Variants in DNM2 observed in about 807,000 individuals in gnomAD.
The protein encoded by DNM2 is dynamin 2, also known as dynamin-2.
A neutral mutation model predicts 99.0 loss-of-function variants in DNM2; 15 were observed. The observed-to-expected ratio is 0.15, with a 90% CI of 0.10 to 0.23. DNM2 has a LOEUF of 0.23. DNM2 is among the 10% of genes least tolerant of loss of function. The pLI is 1.00. For missense variants in DNM2, 742 were observed against 1,189.4 expected (o/e 0.62, Z 5.53); for synonymous variants, 525 against 481.2 (o/e 1.09, Z -1.19).
rs958456791 is a variant in DNM2, at chr19:10,830,423, G to C, written c.2543+45G>C. 6.3e-7 allele frequency: 1 copy of C among 1,594,528 alleles called. No homozygotes were observed. Among genetic ancestry groups the C allele is most frequent in the East Asian group, 2.2e-5 (1 of 44,724 alleles). ...CTCCACCCCAACTGCCTGCACCCTGGGGTCTCTCCTCCTGTCTCACTTCCT... is the reference window on the plus strand; with the variant it reads ...CTCCACCCCAACTGCCTGCACCCTGCGGTCTCTCCTCCTGTCTCACTTCCT... On this transcript the variant is annotated intron_variant, in intron 20 of 20. Transcript: ENST00000389253. The surrounding 1 kb of genome is among the most constrained non-coding windows in gnomAD (Gnocchi z 4.8).
At chr19:10,828,150 G>A (rs1353283704) in intron 18 of DNM2, among the ~76,000 whole-genome samples, 1 of 152,092 alleles carries the variant, frequency 6.6e-6, no homozygotes, top group South Asian at 2.1e-4. Flanking sequence ...TTAGCCGGGG[G>A]TTGGGGGGCA....
chr19:10,732,465 T>G (rs566079839), intron 1 of DNM2, among the ~76,000 whole-genome samples: 5 of 151,704 alleles, frequency 3.3e-5, no homozygotes, highest in African/African-American at 1.2e-4. Flanking sequence ...CTGGGCGTGG[T>G]GGCGAGCGCC....
intron 1 of DNM2, among the ~76,000 whole-genome samples, chr19:10,749,621 A>AG (rs879451755): frequency 1.5e-4 from 23 of 152,226 alleles, no homozygotes; most frequent in Non-Finnish European, 2.6e-4. Flanking sequence ...ACAGCCCAGG[A>AG]GGGGCGGAGC....
intron 1 of DNM2, among the ~76,000 whole-genome samples, chr19:10,727,027 C>T (rs974516842): frequency 6.6e-6 from 1 of 152,148 alleles, no homozygotes; most frequent in Non-Finnish European, 1.5e-5. Context: ...GCTGTGGGAT[C>T]CTGTCTTGTT....
At chr19:10,797,347 T>C in intron 9 of DNM2, 33 bp from the exon 10 acceptor site, 1 of 1,610,300 alleles carries the variant, frequency 6.2e-7, no homozygotes, top group East Asian at 2.2e-5. Flanking sequence ...CCTGGGTGTC[T>C]TTCTGCCTCA....
At chr19:10,802,413 C>G (rs898801892) in intron 12 of DNM2, 55 bp downstream of exon 12, 54 of 1,581,276 alleles carry the variant, frequency 3.4e-5, no homozygotes, top group Non-Finnish European at 4.4e-5. Flanking sequence ...ACTCTCAGAT[C>G]CAAGGAGGTG....
intron 11 of DNM2, among the ~76,000 whole-genome samples, chr19:10,799,699 AATTTTTGTATTTTTAGTAGAGAGAG>A (rs1171542610): frequency 2.0e-5 from 3 of 151,644 alleles, no homozygotes; most frequent in African/African-American, 7.3e-5. Flanking sequence ...TTACCCACCT[AATTTTTGTATTTTTAGTAGAGAGAG>A]ATTTTCACTA....
intron 1 of DNM2, chr19:10,755,631 T>A (rs1239050717): frequency 6.6e-6 from 1 of 151,238 alleles, no homozygotes; most frequent in Non-Finnish European, 1.5e-5. Flanking sequence ...CGGCCAGGGT[T>A]TTTTTTTGTC....
rs1227521429 is a variant in DNM2, at chr19:10,820,128, G to C, written c.1781+39G>C. 1 of 1,593,280 alleles carries C rather than the reference G, an allele frequency of 6.3e-7. No individual in the cohort carries two copies. Among genetic ancestry groups the C allele is most frequent in the Admixed American group, 1.7e-5 (1 of 59,956 alleles). ...GGGCCTGGGGATGGCTCGGGGTGAA[G>C]ACCAATGGCCTCATTCACACTCCAC... On this transcript the variant is annotated intron_variant, in intron 16 of 20. Coordinates refer to ENST00000389253, the MANE Select transcript of DNM2 (RefSeq NM_001005361.3). This position sits in a 1 kb window ranked among gnomAD's most constrained non-coding sequence, Gnocchi z 4.3.
intron 5 of DNM2, among the ~76,000 whole-genome samples, chr19:10,779,229 A>AG (rs1644650176): frequency 6.6e-6 from 1 of 151,508 alleles, no homozygotes; most frequent in Non-Finnish European, 1.5e-5. Context: ...AAAAAAAAAA[A>AG]GAAAAATTTT....
chr19:10,732,395 T>C (rs1040949953), intron 1 of DNM2, among the ~76,000 whole-genome samples: 14 of 149,196 alleles, frequency 9.4e-5, no homozygotes, highest in Non-Finnish European at 1.6e-4. Context: ...GGTCAGGAGA[T>C]TGAGACCATC....
chr19:10,790,280 A>G (rs189985493), intron 7 of DNM2, among the ~76,000 whole-genome samples: 1 of 127,042 alleles, frequency 7.9e-6, no homozygotes, highest in African/African-American at 2.9e-5. Context: ...GCCCATGGGG[A>G]CACCCAGGGT....
At chr19:10,780,015 C>G (rs563061536) in intron 5 of DNM2, among the ~76,000 whole-genome samples, 1 of 152,056 alleles carries the variant, frequency 6.6e-6, no homozygotes, top group Non-Finnish European at 1.5e-5. Context: ...CTGCGGGCAC[C>G]TCCTGCCTTT....
chr19:10,812,165 G>A lies in DNM2; in HGVS notation c.1558-99G>A, dbSNP rs1467704427. The A allele has an allele frequency of 2.0e-6, 2 of 1,025,612 alleles. No homozygotes were observed. The highest frequency in any genetic ancestry group is 2.9e-6 in the Non-Finnish European group (2 of 690,220). 63.5% of individuals were successfully genotyped at this position (1,025,612 alleles called of 1,614,324 possible). On this transcript the variant is annotated intron_variant, in intron 14 of 20. Transcript: ENST00000389253. This position sits in a 1 kb window ranked among gnomAD's most constrained non-coding sequence, Gnocchi z 4.0. ...TGGGGCTGGAGGTGTCTCTATTGCG[G>A]TCCCTGGCTTCCCACTGAGCTGTGG...
intron 6 of DNM2, among the ~76,000 whole-genome samples, chr19:10,785,733 A>C (rs2071537020): frequency 6.6e-6 from 1 of 152,216 alleles, no homozygotes; most frequent in African/African-American, 2.4e-5. Flanking sequence ...CACTGCACCC[A>C]GCTTTCTCTG....
At chr19:10,753,174 C>T (rs2070259120) in intron 1 of DNM2, among the ~76,000 whole-genome samples, 1 of 152,094 alleles carries the variant, frequency 6.6e-6, no homozygotes, top group Admixed American at 6.6e-5. Flanking sequence ...TTCTCAATGC[C>T]TTGCTTGGCA....
At chr19:10,823,756 G>A (rs2073056756) in intron 16 of DNM2, 32 bp from the exon 17 acceptor site, 3 of 1,601,442 alleles carry the variant, frequency 1.9e-6, no homozygotes, top group Non-Finnish European at 2.6e-6. Flanking sequence ...GCAGGGTCAA[G>A]CTTGTGCCCC....
rs149164657 is a variant in DNM2, at chr19:10,829,038, G to A, written c.2061G>A (p.Thr687=). 1,215 of 1,612,714 alleles carry A rather than the reference G, an allele frequency of 7.5e-4. 4 individuals are homozygous for A. Among genetic ancestry groups the A allele is most frequent in the Non-Finnish European group, 5.2e-4 (615 of 1,179,536 alleles). The change falls in exon 19 of 21, where the codon ACG becomes ACA. Residue 687 remains threonine (T), a splice_region_variant and synonymous_variant. Transcript: ENST00000389253. Reference sequence around the variant, plus strand: ...CCCTCCCCAACCCCTGCCCGCAGACGAAGGCCTTCATCCACCACGAGCTGC... The same window carrying A: ...CCCTCCCCAACCCCTGCCCGCAGACAAAGGCCTTCATCCACCACGAGCTGC... The part of the protein sequence containing the change: ...KTIMHLMINN[T]KAFIHHELLA...
rs562226953 is a variant in DNM2 at position 10,818,716 on chromosome 19, G to T, written c.1672-1264G>T. Among the ~76,000 whole-genome samples, 2 of 152,226 alleles carry T rather than the reference G, an allele frequency of 1.3e-5. No homozygotes were observed. Among genetic ancestry groups the T allele is most frequent in the Admixed American group, 6.5e-5 (1 of 15,280 alleles). ...GCAGCCAGGTTAGGCTTTGTGCTGGGGCAGCGCAGTGAGGGGACATGAGAG... is the reference window on the plus strand; with the variant it reads ...GCAGCCAGGTTAGGCTTTGTGCTGGTGCAGCGCAGTGAGGGGACATGAGAG... On this transcript the variant is annotated intron_variant, in intron 15 of 20. Coordinates refer to ENST00000389253, the MANE Select transcript of DNM2 (RefSeq NM_001005361.3). The surrounding 1 kb of genome is among the most constrained non-coding windows in gnomAD (Gnocchi z 4.3).
Sources: gnomAD v4.1 joint callset for allele counts (sites outside exome capture counted in the v4.1 genomes callset) on GRCh38, gnomAD v4.1.1 for gene constraint, Gnocchi (gnomAD v3.1) non-coding constraint, MANE v1.5 for transcripts, NCBI Gene and HGNC (gene_info 2026-07-23, HGNC 2026-07-21) for gene names.